Variants in SHOX observed in about 807,000 individuals in gnomAD.
SHOX encodes SHOX homeobox, also known as short stature homeobox protein.
Under a neutral mutation model 29.6 loss-of-function variants are expected in SHOX, and 12 were observed. The ratio of observed to expected loss-of-function variants is 0.41; its 90% CI spans 0.26 to 0.66. The LOEUF (loss-of-function observed/expected upper bound fraction) is 0.66, where lower values mean the gene tolerates loss of function less well. Ranked by LOEUF, SHOX falls within the 30% of genes least tolerant of loss-of-function variation. The pLI is 0.35. For synonymous variants in SHOX, 214 were observed against 200.6 expected (o/e 1.07, Z -0.57); for missense variants, 499 against 437.7 (o/e 1.14, Z -1.25).
intron 2 of SHOX, among the ~76,000 whole-genome samples, chrX:640,600 C>A (rs1334534575): frequency 6.6e-6 from 1 of 152,054 alleles, no homozygotes; most frequent in Non-Finnish European, 1.5e-5. Flanking sequence ...CACAACAAAA[C>A]AAAACAAAAA....
Position 634,657 on chromosome X carries a change from C to T in SHOX, c.317C>T (p.Ser106Leu). 1.9e-6 allele frequency: 3 copies of T among 1,613,864 alleles called. No homozygotes were observed. Among genetic ancestry groups the T allele is most frequent in the South Asian group, 1.1e-5 (1 of 91,064 alleles). ...ECKEKREDVK[S>L]EDEDGQTKLK... ...AAAGAGAAGCGCGAGGACGTGAAGTCGGAGGACGAGGACGGGCAGACCAAG... is the reference window on the plus strand; with the variant it reads ...AAAGAGAAGCGCGAGGACGTGAAGTTGGAGGACGAGGACGGGCAGACCAAG... The change falls in exon 2 of 5, where the codon TCG becomes TTG. Residue 106 changes from serine (S) to leucine (L), a missense_variant. By Grantham distance (145) the Ser-to-Leu change is moderately radical. Transcript: ENST00000686671.
In SHOX at chrX:634,619, G is replaced by T. The variant is rs193922465; in HGVS notation, c.279G>T (p.Gly93=). 1.9e-4 allele frequency: 307 copies of T among 1,613,478 alleles called. No individual in the cohort carries two copies. The highest frequency in any genetic ancestry group is 2.3e-4 in the Non-Finnish European group (277 of 1,179,866). The change falls in exon 2 of 5, where the codon GGG becomes GGT. Residue 93 remains glycine (G), a splice_region_variant and synonymous_variant. Transcript: ENST00000686671. The part of the protein sequence containing the change: ...KEFGTARVAE[G]IYECKEKRED... The stretch of plus-strand genomic sequence containing the variant: ...CTGTGCCCTCCGCTCCCCACGCAGG[G>T]ATTTATGAATGCAAAGAGAAGCGCG...
At chrX:630,282 G>C (rs2052622453), upstream of SHOX, among the ~76,000 whole-genome samples, 1 of 144,244 alleles carries the variant, frequency 6.9e-6, no homozygotes, top group African/African-American at 2.5e-5. Context: ...CTTCTCCCAA[G>C]ATCGTGCGTC....
intron 2 of SHOX, 35 bp from the exon 3 acceptor site, chrX:640,786 A>C (rs1372230221): frequency 6.2e-7 from 1 of 1,613,226 alleles, no homozygotes; most frequent in Non-Finnish European, 8.5e-7. Flanking sequence ...CTGGGTTCAC[A>C]GGGCTCTTCA....
chrX:630,856 G>C lies in SHOX; in HGVS notation c.-42G>C. ...GTCCTCTCCGCGCGGGGAGACGCGC[G>C]CATCCACCAGCCCCGGCTGCTCGCC... is the stretch of plus-strand genomic sequence containing the variant. On this transcript the variant is annotated 5_prime_UTR_variant, in exon 1 of 5. Coordinates refer to ENST00000686671, the MANE Select transcript of SHOX (RefSeq NM_000451.4). 6.2e-7 allele frequency: 1 copy of C among 1,610,470 alleles called. No individual in the cohort carries two copies. Among genetic ancestry groups the C allele is most frequent in the Non-Finnish European group, 8.5e-7 (1 of 1,178,748 alleles).
At chrX:634,580 C>A (rs373748916) in intron 1 of SHOX, 38 bp from the exon 2 acceptor site, 326 of 1,607,716 alleles carry the variant, frequency 2.0e-4, no homozygotes, top group Non-Finnish European at 2.6e-4. Context: ...CGCAAAACCT[C>A]CCCGGCCTCA....
chrX:649,628 A>T lies in SHOX; in HGVS notation c.*4992A>T, dbSNP rs2053023474. Among the ~76,000 whole-genome samples, 1 of 152,132 alleles carries T rather than the reference A, an allele frequency of 6.6e-6. No homozygotes were observed. The highest frequency in any genetic ancestry group is 1.5e-5 in the Non-Finnish European group (1 of 68,026). On this transcript the variant is annotated 3_prime_UTR_variant, in exon 5 of 5. Transcript: ENST00000686671. The stretch of plus-strand genomic sequence containing the variant: ...GCTCGCTCGCAGAGCAAGGAATACC[A>T]CCCAGAGAGCAACGTGGGCTGTGTT...
intron 5 of SHOX, chrX:658,761 C>T (rs920894656): frequency 5.0e-6 from 2 of 397,322 alleles, no homozygotes; most frequent in Non-Finnish European, 1.0e-5. Context: ...TGAGCCACTG[C>T]ACTTGGCCTT....
chrX:624,678 C>CTTCGTTCT (rs1355033403), intron 1 of SHOX: 16 of 129,058 alleles, frequency 1.2e-4, no homozygotes, highest in African/African-American at 4.5e-4. Flanking sequence ...TCCTTCCTTC[C>CTTCGTTCT]TTCCTTCCTC....
intron 1 of SHOX, chrX:631,966 C>G (rs1453887505): frequency 2.2e-6 from 1 of 456,104 alleles, no homozygotes; most frequent in Admixed American, 2.3e-5. Context: ...CCGGAGATCA[C>G]GGGAAGACTC....
At chrX:658,349 T>G (rs1569496947) in intron 5 of SHOX, among the ~76,000 whole-genome samples, 1 of 152,014 alleles carries the variant, frequency 6.6e-6, no homozygotes, top group Non-Finnish European at 1.5e-5. Flanking sequence ...ACAGACTCAG[T>G]GTATGGGTTT....
Position 630,889 on chromosome X carries a change from G to A in SHOX, c.-9G>A. ...CAGCCCCGGCTGCTCGCCAGCCCCG[G>A]CCCCAGCCATGGAAGAGCTCACGGC... On this transcript the variant is annotated 5_prime_UTR_variant, in exon 1 of 5. Transcript: ENST00000686671. 6.2e-7 allele frequency: 1 copy of A among 1,612,738 alleles called. No individual in the cohort carries two copies. The highest frequency in any genetic ancestry group is 1.7e-4 in the Middle Eastern group (1 of 5,870).
upstream of SHOX, among the ~76,000 whole-genome samples, chrX:626,558 T>TC (rs1366532127): frequency 2.8e-4 from 7 of 24,762 alleles, 2 homozygotes; most frequent in East Asian, 7.9e-4. Flanking sequence ...CTCTCTCCTC[T>TC]TTTTCTCTGT....
intron 2 of SHOX, among the ~76,000 whole-genome samples, chrX:638,673 G>C (rs770495519): frequency 2.6e-5 from 4 of 152,230 alleles, no homozygotes; most frequent in African/African-American, 9.6e-5. Context: ...TCAAGAGCAA[G>C]TTCACGTTGC....
intron 1 of SHOX, 63 bp from the exon 2 acceptor site, chrX:634,555 G>A (rs1442740180): frequency 6.4e-7 from 1 of 1,566,858 alleles, no homozygotes; most frequent in Non-Finnish European, 8.7e-7. Context: ...ATGCACGAAG[G>A]GGTTCGCCAC....
upstream of SHOX, chrX:630,513 A>C: frequency 5.7e-6 from 2 of 351,856 alleles, no homozygotes; most frequent in Non-Finnish European, 5.3e-6. Flanking sequence ...AACGCGGGTA[A>C]CCTGTGTGGG....
At position 644,774 on chromosome X, in the gene SHOX, G is replaced by A. The variant is rs898587236; in HGVS notation, c.*138G>A. The A allele has an allele frequency of 5.1e-6, 6 of 1,186,114 alleles. No individual in the cohort carries two copies. In the African/African-American group the frequency reaches 9.8e-5, roughly 19 times the overall value. The allele number at this position is 1,186,114 out of a possible 1,614,324, so 73.5% of individuals were successfully genotyped here. A position where few individuals can be genotyped will look rare whatever the true frequency, so the allele number is the denominator to read the frequency against. ...GGGCACCCCGGGAGCTCCTGCAAGAGGCCTGAGGAGGGAGGCTCCCGGGAC... is the reference window on the plus strand; with the variant it reads ...GGGCACCCCGGGAGCTCCTGCAAGAAGCCTGAGGAGGGAGGCTCCCGGGAC... On this transcript the variant is annotated 3_prime_UTR_variant, in exon 5 of 5. Coordinates refer to ENST00000686671, the MANE Select transcript of SHOX (RefSeq NM_000451.4).
Position 644,795 on chromosome X carries a change from G to C in SHOX, c.*159G>C, listed in dbSNP as rs2052934774. The C allele has an allele frequency of 2.0e-6, 2 of 1,020,718 alleles. No individual in the cohort carries two copies. Among genetic ancestry groups the C allele is most frequent in the Non-Finnish European group, 2.6e-6 (2 of 765,712 alleles). 63.2% of individuals were successfully genotyped at this position (1,020,718 alleles called of 1,614,324 possible). On this transcript the variant is annotated 3_prime_UTR_variant, in exon 5 of 5. Transcript: ENST00000686671. ...AAGAGGCCTGAGGAGGGAGGCTCCC[G>C]GGACCGTCCACGCACGACCCAGCCA...
In SHOX at chrX:645,390, A is replaced by ATTTTTTTTT. The variant is rs1168989193; in HGVS notation, c.*779_*787dup. 6.4e-4 allele frequency: 50 copies of ATTTTTTTTT among 78,358 alleles called. 5 individuals carry two copies. The highest frequency in any genetic ancestry group is 1.9e-3 in the East Asian group (4 of 2,110). The allele number at this position is 78,358 out of a possible 1,614,324, so 4.9% of individuals were successfully genotyped here. A position where few individuals can be genotyped will look rare whatever the true frequency, so the allele number is the denominator to read the frequency against. On this transcript the variant is annotated 3_prime_UTR_variant, in exon 5 of 5. Transcript: ENST00000686671. ...GGGTCTGGTTTTGTTTTGGATTGGTATTTTTTTTTTTTTTTTTTTTTTTTT... is the reference window on the plus strand; with the variant it reads ...GGGTCTGGTTTTGTTTTGGATTGGTATTTTTTTTTTTTTTTTTTTTTTTTTTTTTTTTTT...
Sources: allele counts gnomAD v4.1 joint callset (sites outside exome capture counted in the v4.1 genomes callset), GRCh38; gene constraint gnomAD v4.1.1; transcripts MANE v1.5; gene names NCBI Gene and HGNC (gene_info 2026-07-23, HGNC 2026-07-21).